Variants in NLGN1 observed in about 807,000 individuals in gnomAD.
The protein encoded by NLGN1 is neuroligin-1.
In NLGN1, 12 loss-of-function variants were observed where a neutral mutation model predicts 65.5. The observed-to-expected ratio is 0.18, with a 90% CI of 0.12 to 0.30. NLGN1 has a LOEUF of 0.30. Ranked by LOEUF, NLGN1 falls within the 10% of genes least tolerant of loss-of-function variation. NLGN1 has a pLI of 1.00. For missense variants in NLGN1, 750 were observed against 1,007.1 expected (o/e 0.74, Z 3.46); for synonymous variants, 350 against 359.5 (o/e 0.97, Z 0.30).
At chr3:174,066,947 G>A (rs113262023) in intron 4 of NLGN1, among the ~76,000 whole-genome samples, 1 of 151,964 alleles carries the variant, frequency 6.6e-6, no homozygotes, top group Non-Finnish European at 1.5e-5. Context: ...GATGCTCTTG[G>A]TGATAAAAAA....
intron 2 of NLGN1, among the ~76,000 whole-genome samples, chr3:173,570,708 GAATT>G (rs761104115): frequency 6.6e-5 from 10 of 152,044 alleles, no homozygotes; most frequent in Non-Finnish European, 1.3e-4. Context: ...AAATTAAAGT[GAATT>G]TATTTATTTA....
intron 3 of NLGN1, among the ~76,000 whole-genome samples, chr3:173,637,310 C>T (rs1234287409): frequency 6.6e-6 from 1 of 151,972 alleles, no homozygotes; most frequent in African/African-American, 2.4e-5. Flanking sequence ...TTTCGTTGCT[C>T]CTTGCTTTTT....
intron 4 of NLGN1, among the ~76,000 whole-genome samples, chr3:174,068,577 A>G (rs11922785): frequency 0.21 from 32,639 of 152,072 alleles, 4,603 homozygotes; most frequent in African/African-American, 0.4. Context: ...AGTCTATCTT[A>G]TACTCAGAAT....
intron 4 of NLGN1, among the ~76,000 whole-genome samples, chr3:173,941,697 GTA>G (rs201703067): frequency 7.3e-5 from 11 of 151,356 alleles, no homozygotes; most frequent in Admixed American, 6.6e-4. Context: ...TATATAGTGT[GTA>G]TATATATATA....
intron 3 of NLGN1, among the ~76,000 whole-genome samples, chr3:173,657,144 G>A (rs923816434): frequency 7.9e-5 from 12 of 151,994 alleles, no homozygotes; most frequent in African/African-American, 2.2e-4. Flanking sequence ...ATCTCATGGT[G>A]TGTTTAACTC....
At chr3:173,686,279 A>AG (rs910702220) in intron 3 of NLGN1, among the ~76,000 whole-genome samples, 6 of 152,150 alleles carry the variant, frequency 3.9e-5, no homozygotes, top group African/African-American at 1.4e-4. Context: ...CTAAAAAAAA[A>AG]AAAAATCAAA....
In NLGN1 at chr3:174,254,306, ATTTT is replaced by A. The variant is rs371427726; in HGVS notation, c.647-20987_647-20984del. On this transcript the variant is annotated intron_variant, in intron 4 of 6. Transcript: ENST00000457714. ...GATTTCTTAGGAAAAGTCCTTTTTAATTTTTTTTTTTTTTTTTTTTTTTTTGTAA... is the reference window on the plus strand; with the variant it reads ...GATTTCTTAGGAAAAGTCCTTTTTAATTTTTTTTTTTTTTTTTTTTTGTAA... Among the ~76,000 whole-genome samples, 710 of 113,754 alleles carry A rather than the reference ATTTT, an allele frequency of 6.2e-3. 2 individuals are homozygous for A. Among genetic ancestry groups the A allele is most frequent in the East Asian group, 0.03 (126 of 4,224 alleles). 74.6% of individuals were successfully genotyped at this position (113,754 alleles called of 152,430 possible). A position where few individuals can be genotyped will look rare whatever the true frequency, so the allele number is the denominator to read the frequency against.
chr3:174,282,865 C>T (rs1751701828), exon 7 of NLGN1: 1 of 151,726 alleles, frequency 6.6e-6, no homozygotes, highest in African/African-American at 2.4e-5. Context: ...TAAGATAATG[C>T]AAAGAACTTT....
chr3:173,796,984 TC>T (rs1303894357), intron 3 of NLGN1, among the ~76,000 whole-genome samples: 1 of 152,178 alleles, frequency 6.6e-6, no homozygotes, highest in African/African-American at 2.4e-5. Flanking sequence ...TTACATCAGT[TC>T]TAACAGTTTA....
intron 3 of NLGN1, among the ~76,000 whole-genome samples, chr3:173,629,134 G>A (rs1755277714): frequency 6.6e-6 from 1 of 151,740 alleles, no homozygotes; most frequent in Non-Finnish European, 1.5e-5. Flanking sequence ...AATGGTGAAG[G>A]GATATACCTG....
At chr3:174,090,472 CA>C (rs1440747573) in intron 4 of NLGN1, among the ~76,000 whole-genome samples, 1 of 150,784 alleles carries the variant, frequency 6.6e-6, no homozygotes, top group Non-Finnish European at 1.5e-5. Context: ...GACTCTGTCT[CA>C]AAAAAAGAAA....
At chr3:173,406,354 A>T (rs958934682) in intron 1 of NLGN1, among the ~76,000 whole-genome samples, 2 of 151,708 alleles carry the variant, frequency 1.3e-5, no homozygotes, top group African/African-American at 4.8e-5. Context: ...ATCAGTAAGA[A>T]GCAAGAGAAA....
chr3:173,496,741 A>G (rs771295724), intron 2 of NLGN1, among the ~76,000 whole-genome samples: 1 of 151,902 alleles, frequency 6.6e-6, no homozygotes, highest in Non-Finnish European at 1.5e-5. Context: ...TACCTAATTA[A>G]TATTACTCAC....
intron 4 of NLGN1, among the ~76,000 whole-genome samples, chr3:174,097,762 G>A (rs1482575801): frequency 6.6e-6 from 1 of 152,328 alleles, no homozygotes; most frequent in East Asian, 1.9e-4. Context: ...CCTGGAGTTT[G>A]ACAGAGATCA....
At chr3:173,790,670 C>T (rs1712512276) in intron 3 of NLGN1, among the ~76,000 whole-genome samples, 1 of 151,352 alleles carries the variant, frequency 6.6e-6, no homozygotes, top group Non-Finnish European at 1.5e-5. Context: ...CTAGAAGGTA[C>T]ATGTGTGAGT....
At chr3:173,956,654 C>T (rs1476593753) in intron 4 of NLGN1, among the ~76,000 whole-genome samples, 3 of 152,040 alleles carry the variant, frequency 2.0e-5, no homozygotes, top group African/African-American at 7.2e-5. Flanking sequence ...TTTCTGAAGT[C>T]CTAAATACAC....
rs114625180 is a variant in NLGN1 at position 173,654,045 on chromosome 3, G to T, written c.493+48954G>T. Among the ~76,000 whole-genome samples the T allele has an allele frequency of 6.6e-3, 999 of 152,264 alleles. 13 individuals carry two copies. Among genetic ancestry groups the T allele is most frequent in the African/African-American group, 0.023 (953 of 41,546 alleles). On this transcript the variant is annotated intron_variant, in intron 3 of 6. Coordinates refer to ENST00000457714, the Ensembl canonical transcript of NLGN1. Reference sequence around the variant, plus strand: ...GCCCTAATAGAATCACCCAGCTGATGCCATATGGAACTGAGTTGAGTCATC... The same window carrying T: ...GCCCTAATAGAATCACCCAGCTGATTCCATATGGAACTGAGTTGAGTCATC...
chr3:174,097,249 A>C (rs1171484226), intron 4 of NLGN1, among the ~76,000 whole-genome samples: 1 of 152,192 alleles, frequency 6.6e-6, no homozygotes, highest in African/African-American at 2.4e-5. Context: ...AACTATTCAA[A>C]ATTTTAAGTA....
chr3:173,643,929 G>A (rs114095200), intron 3 of NLGN1, among the ~76,000 whole-genome samples: 175 of 152,174 alleles, frequency 1.1e-3, no homozygotes, highest in African/African-American at 3.9e-3. Context: ...ATACATCAGC[G>A]GAACCAGCAA....
Sources: allele counts gnomAD v4.1 joint callset (sites outside exome capture counted in the v4.1 genomes callset), GRCh38; gene constraint gnomAD v4.1.1; transcripts MANE v1.5; gene names NCBI Gene and HGNC (gene_info 2026-07-23, HGNC 2026-07-21).